Variants in AFG2A observed in about 807,000 individuals in gnomAD.
AFG2A encodes ATPase family gene 2 protein homolog A.
the AFG2A span, among the ~76,000 whole-genome samples, chr4:122,957,652 A>C: frequency 4.6e-5 from 7 of 152,314 alleles, no homozygotes; most frequent in Admixed American, 2.0e-4. Context: ...AGGTTACAGC[A>C]GTTATTAGGG....
the AFG2A span, among the ~76,000 whole-genome samples, chr4:122,993,701 T>C: frequency 6.6e-6 from 1 of 152,066 alleles, no homozygotes; most frequent in Non-Finnish European, 1.5e-5. Context: ...ATTTTCACTT[T>C]GGTTATTTTC....
the AFG2A span, among the ~76,000 whole-genome samples, chr4:122,964,839 T>C: frequency 6.6e-6 from 1 of 152,208 alleles, no homozygotes; most frequent in East Asian, 1.9e-4. Flanking sequence ...TTCTATTTGA[T>C]TTTTTAAAAA....
the AFG2A span, among the ~76,000 whole-genome samples, chr4:122,925,564 A>C: frequency 6.6e-6 from 1 of 152,132 alleles, no homozygotes; most frequent in South Asian, 2.1e-4. Context: ...GGAACTTTGT[A>C]CATGCTGTCC....
chr4:123,112,703 A>AT, the AFG2A span, among the ~76,000 whole-genome samples: 282 of 150,164 alleles, frequency 1.9e-3, no homozygotes, highest in African/African-American at 6.1e-3. Context: ...TAGCATTGAC[A>AT]TTTTTTTTTT....
At chr4:123,206,626 G>A in the AFG2A span, among the ~76,000 whole-genome samples, 1 of 152,130 alleles carries the variant, frequency 6.6e-6, no homozygotes, top group Non-Finnish European at 1.5e-5. Flanking sequence ...AAGCATCAAG[G>A]AAAGCCTACT....
chr4:123,074,167 C>T, the AFG2A span, among the ~76,000 whole-genome samples: 1 of 135,312 alleles, frequency 7.4e-6, no homozygotes, highest in Non-Finnish European at 1.5e-5. Context: ...GAACTTGGCT[C>T]ACTGCAGCCT....
the AFG2A span, among the ~76,000 whole-genome samples, chr4:122,936,808 C>T: frequency 2.0e-5 from 3 of 152,052 alleles, no homozygotes; most frequent in African/African-American, 7.2e-5. Context: ...AGTGAAACCC[C>T]GTCTCTACTA....
At chr4:123,017,150 G>C in the AFG2A span, among the ~76,000 whole-genome samples, 2 of 84,214 alleles carry the variant, frequency 2.4e-5, no homozygotes, top group Non-Finnish European at 5.7e-5. Context: ...AGAGGGAGAG[G>C]GGGGAGAGGG....
chr4:123,200,457 G>T, the AFG2A span, among the ~76,000 whole-genome samples: 1 of 151,950 alleles, frequency 6.6e-6, no homozygotes, highest in Non-Finnish European at 1.5e-5. Flanking sequence ...CAATCTTTAG[G>T]GATAATAAGT....
the AFG2A span, among the ~76,000 whole-genome samples, chr4:123,004,243 C>G: frequency 1.3e-5 from 2 of 152,210 alleles, no homozygotes; most frequent in African/African-American, 4.8e-5. Flanking sequence ...AGGGAACTCC[C>G]TGATCCCTTG....
chr4:123,159,639 G>T, the AFG2A span, among the ~76,000 whole-genome samples: 1 of 152,152 alleles, frequency 6.6e-6, no homozygotes, highest in African/African-American at 2.4e-5. Flanking sequence ...AGCATGTAGA[G>T]CCTGGGTTAC....
At chr4:123,028,459 T>C in the AFG2A span, 1 of 1,379,940 alleles carries the variant, frequency 7.2e-7, no homozygotes, top group Non-Finnish European at 1.0e-6. Flanking sequence ...ATTCTCTGAC[T>C]CCTACCTTTA....
the AFG2A span, among the ~76,000 whole-genome samples, chr4:123,108,627 C>T: frequency 2.2e-4 from 33 of 151,636 alleles, no homozygotes; most frequent in East Asian, 1.9e-3. Flanking sequence ...AGTTGTAAAA[C>T]GAGTGCCTTT....
the AFG2A span, among the ~76,000 whole-genome samples, chr4:123,079,644 TATAACCTTCCTATTG>T: frequency 2.0e-5 from 3 of 151,938 alleles, no homozygotes; most frequent in Non-Finnish European, 2.9e-5. Context: ...ATGCTAGGAG[TATAACCTTCCTATTG>T]ATAAATCCAG....
chr4:122,942,885 G>A, the AFG2A span, among the ~76,000 whole-genome samples: 3 of 151,058 alleles, frequency 2.0e-5, no homozygotes, highest in Non-Finnish European at 4.4e-5. Context: ...CCTTCATTTC[G>A]TTATGTACCC....
chr4:123,128,175 A>G, the AFG2A span, among the ~76,000 whole-genome samples: 1 of 152,288 alleles, frequency 6.6e-6, no homozygotes, highest in African/African-American at 2.4e-5. Context: ...TGATACCCTT[A>G]AACCCTTTAA....
At chr4:123,095,087 A>G in the AFG2A span, among the ~76,000 whole-genome samples, 1,578 of 136,682 alleles carry the variant, frequency 0.012, 11 homozygotes, top group African/African-American at 0.024. Context: ...GTGTGTATAT[A>G]TATATATATA....
At chr4:123,255,024 T>G in the AFG2A span, among the ~76,000 whole-genome samples, 1 of 152,058 alleles carries the variant, frequency 6.6e-6, no homozygotes, top group Admixed American at 6.6e-5. Context: ...AGTGCAGTAG[T>G]GCTATCTTGG....
At chr4:123,273,258 A>G in the AFG2A span, among the ~76,000 whole-genome samples, 2 of 152,162 alleles carry the variant, frequency 1.3e-5, no homozygotes, top group Non-Finnish European at 2.9e-5. Context: ...CATTATGCGT[A>G]GTATAATATA....
Sources: allele counts gnomAD v4.1 joint callset (sites outside exome capture counted in the v4.1 genomes callset), GRCh38; gene constraint gnomAD v4.1.1; transcripts MANE v1.5; gene names NCBI Gene and HGNC (gene_info 2026-07-23, HGNC 2026-07-21).